The following PFKFB3 variants were observed in gnomAD, a reference collection of about 807,000 sequenced individuals.
The protein encoded by PFKFB3 is 6-phosphofructo-2-kinase/fructose-2,6-biphosphatase 3.
In PFKFB3, 33 loss-of-function variants were observed where a neutral mutation model predicts 68.0. The observed-to-expected ratio is 0.49, with a 90% CI of 0.37 to 0.65. PFKFB3 has a LOEUF of 0.65. Ranked by LOEUF, PFKFB3 falls within the 30% of genes least tolerant of loss-of-function variation. The pLI, the probability that PFKFB3 is intolerant of heterozygous loss-of-function variation, is 0.00. For synonymous variants in PFKFB3, 315 were observed against 288.2 expected (o/e 1.09, Z -0.94); for missense variants, 586 against 712.2 (o/e 0.82, Z 2.02).
chr10:6,263,946 A>G, the PFKFB3 span, among the ~76,000 whole-genome samples: 1 of 152,250 alleles, frequency 6.6e-6, no homozygotes, highest in Admixed American at 6.5e-5. Context: ...TTGGCCTCCC[A>G]AAGTGCTAGG....
At chr10:6,166,938 T>C (rs1340970961) in intron 1 of PFKFB3, among the ~76,000 whole-genome samples, 11 of 151,554 alleles carry the variant, frequency 7.3e-5, no homozygotes, top group African/African-American at 2.2e-4. Flanking sequence ...AAAGCAATTC[T>C]CCTGTCTCAG....
At chr10:6,152,291 C>G (rs1841617588) in intron 1 of PFKFB3, 1 of 152,446 alleles carries the variant, frequency 6.6e-6, no homozygotes, top group African/African-American at 2.4e-5. Context: ...GTTCCTGCAG[C>G]CGGTCTCCAG....
chr10:6,202,563 C>T (rs1843407387), upstream of PFKFB3: 2 of 152,672 alleles, frequency 1.3e-5, no homozygotes, highest in Admixed American at 1.3e-4. Context: ...GCTGCGGGGT[C>T]CACGGTCTAC....
chr10:6,208,234 G>T (rs978120994), intron 1 of PFKFB3, among the ~76,000 whole-genome samples: 1 of 152,042 alleles, frequency 6.6e-6, no homozygotes, highest in African/African-American at 2.4e-5. Flanking sequence ...ACTGCGCCCA[G>T]CTAATTTTTA....
downstream of PFKFB3, among the ~76,000 whole-genome samples, chr10:6,238,210 G>A (rs1347820604): frequency 1.3e-5 from 2 of 151,862 alleles, no homozygotes; most frequent in African/African-American, 4.8e-5. Flanking sequence ...TGTTGCCCAG[G>A]CTGGAGTGCA....
chr10:6,238,477 CAAAA>C (rs71390201), downstream of PFKFB3, among the ~76,000 whole-genome samples: 6 of 89,552 alleles, frequency 6.7e-5, no homozygotes, highest in African/African-American at 2.8e-4. Flanking sequence ...GGTGCCATCT[CAAAA>C]AAAAAAAAAA....
chr10:6,221,337 C>T (rs776522413), intron 8 of PFKFB3, 44 bp from the exon 9 acceptor site: 1 of 1,608,348 alleles, frequency 6.2e-7, no homozygotes, highest in Non-Finnish European at 8.5e-7. Context: ...CTTGGAGGAG[C>T]TGCGGGCATC....
At chr10:6,210,561 T>C (rs1281306413) in intron 1 of PFKFB3, among the ~76,000 whole-genome samples, 1 of 83,602 alleles carries the variant, frequency 1.2e-5, no homozygotes, top group African/African-American at 3.2e-5. Flanking sequence ...GGTTTCGCCA[T>C]GTTAGCCAGG....
chr10:6,291,024 T>C, the PFKFB3 span, among the ~76,000 whole-genome samples: 1 of 152,250 alleles, frequency 6.6e-6, no homozygotes, highest in Non-Finnish European at 1.5e-5. Flanking sequence ...TTTTTTATTT[T>C]TGTTTTTAAC....
the PFKFB3 span, among the ~76,000 whole-genome samples, chr10:6,316,468 A>G: frequency 6.6e-6 from 1 of 152,182 alleles, no homozygotes; most frequent in Admixed American, 6.5e-5. Flanking sequence ...TATACATTCA[A>G]GCTTTTTCTT....
At chr10:6,222,548 T>C (rs1845042488) in intron 10 of PFKFB3, among the ~76,000 whole-genome samples, 1 of 152,184 alleles carries the variant, frequency 6.6e-6, no homozygotes, top group Non-Finnish European at 1.5e-5. Flanking sequence ...GCTTCCTGCA[T>C]CTGGATCTGC....
Position 6,195,203 on chromosome 10 carries a change from A to C in PFKFB3, c.17-18420A>C, listed in dbSNP as rs543389680. 7.6e-4 allele frequency among the ~76,000 whole-genome samples: 115 copies of C among 152,276 alleles called. 1 individual carries two copies. Among genetic ancestry groups the C allele is most frequent in the African/African-American group, 2.7e-3 (112 of 41,546 alleles). On this transcript the variant is annotated intron_variant, in intron 1 of 14. Coordinates refer to the PFKFB3 transcript ENST00000379789. Reference sequence around the variant, plus strand: ...CCTTTTTCATCCACGCTTTGGAAGAAGATGGTGTCAGGGTCATAGAAGACC... The same window carrying C: ...CCTTTTTCATCCACGCTTTGGAAGACGATGGTGTCAGGGTCATAGAAGACC...
rs144608203 is a variant in PFKFB3, at chr10:6,215,212, C to G, written c.203-9C>G. 1.2e-6 allele frequency: 2 copies of G among 1,610,884 alleles called. No homozygotes were observed. Among genetic ancestry groups the G allele is most frequent in the Non-Finnish European group, 1.7e-6 (2 of 1,177,196 alleles). Reference sequence around the variant, plus strand: ...CGATCATCCAGACTGTTCTCTTTCCCGTCCACAGTGTTCAACGTCGGGGAG... The same window carrying G: ...CGATCATCCAGACTGTTCTCTTTCCGGTCCACAGTGTTCAACGTCGGGGAG... On this transcript the variant is annotated splice_polypyrimidine_tract_variant and intron_variant, in intron 2 of 14. Transcript: ENST00000379775. The surrounding 1 kb of genome is among the most constrained non-coding windows in gnomAD (Gnocchi z 4.3).
chr10:6,294,925 A>G, the PFKFB3 span, among the ~76,000 whole-genome samples: 1 of 148,668 alleles, frequency 6.7e-6, no homozygotes, highest in African/African-American at 2.5e-5. Context: ...TGCCATACCT[A>G]GGTTTGTGTA....
chr10:6,256,708 AG>A (rs1210524021), downstream of PFKFB3, among the ~76,000 whole-genome samples: 1 of 152,238 alleles, frequency 6.6e-6, no homozygotes, highest in Non-Finnish European at 1.5e-5. Context: ...AACTTCACGA[AG>A]GAACTATTCA....
rs796965335 is a variant in PFKFB3 at position 6,209,760 on chromosome 10, C to CTT, written c.77-3860_77-3859dup. On this transcript the variant is annotated intron_variant, in intron 1 of 14. Coordinates refer to ENST00000379775, the MANE Select transcript of PFKFB3 (RefSeq NM_004566.4). ...GAGACCATGCCCAGCCAATACTTAC[C>CTT]TTTTCTTTTTTTTTTTTTTTTTGAG... Among the ~76,000 whole-genome samples, 14 of 71,230 alleles carry CTT rather than the reference C, an allele frequency of 2.0e-4. No individual in the cohort carries two copies. In the South Asian group the frequency reaches 2.0e-3, roughly 10 times the overall value. 46.7% of individuals were successfully genotyped at this position (71,230 alleles called of 152,430 possible). A position where few individuals can be genotyped will look rare whatever the true frequency, so the allele number is the denominator to read the frequency against.
intron 1 of PFKFB3, among the ~76,000 whole-genome samples, chr10:6,181,322 C>T (rs1249079438): frequency 1.5e-5 from 2 of 137,558 alleles, no homozygotes; most frequent in African/African-American, 5.5e-5. Context: ...GCAGCCCACG[C>T]CCATGTTTAT....
At chr10:6,200,774 A>G (rs141528345), upstream of PFKFB3, among the ~76,000 whole-genome samples, 537 of 151,656 alleles carry the variant, frequency 3.5e-3, 6 homozygotes, top group African/African-American at 0.012. Context: ...TCTTCCCTCT[A>G]GACTCGGAAC....
At chr10:6,249,378 GAGA>G (rs1846327973) in intron 14 of PFKFB3, among the ~76,000 whole-genome samples, 1 of 152,110 alleles carries the variant, frequency 6.6e-6, no homozygotes, top group Non-Finnish European at 1.5e-5. Context: ...CTGCATTGAA[GAGA>G]TGTGTGCCCT....
Sources: gnomAD v4.1 joint callset for allele counts (sites outside exome capture counted in the v4.1 genomes callset) on GRCh38, gnomAD v4.1.1 for gene constraint, Gnocchi (gnomAD v3.1) non-coding constraint, MANE v1.5 for transcripts, NCBI Gene and HGNC (gene_info 2026-07-23, HGNC 2026-07-21) for gene names.